Variants in KANSL1 observed in about 807,000 individuals in gnomAD.
The protein encoded by KANSL1 is KAT8 regulatory NSL complex subunit 1.
KANSL1 carries 22 observed loss-of-function variants against 103.6 expected under a neutral mutation model. That is an observed-to-expected ratio of 0.21 (90% CI 0.15 to 0.30). KANSL1 has a LOEUF of 0.30. Ranked by LOEUF, KANSL1 falls within the 10% of genes least tolerant of loss-of-function variation. KANSL1 has a pLI of 1.00. For synonymous variants in KANSL1, 600 were observed against 527.6 expected (o/e 1.14, Z -1.88); for missense variants, 1,337 against 1,399.8 (o/e 0.96, Z 0.72).
chr17:46,040,533 A>G (rs1186332702), intron 7 of KANSL1: 1 of 152,238 alleles, frequency 6.6e-6, no homozygotes, highest in Non-Finnish European at 1.5e-5. Context: ...TTCCTTTAGA[A>G]AAGGAATTTC....
intron 1 of KANSL1, among the ~76,000 whole-genome samples, chr17:46,209,812 G>A (rs1172451517): frequency 6.6e-6 from 1 of 152,154 alleles, no homozygotes; most frequent in African/African-American, 2.4e-5. Flanking sequence ...GTGTTTTAAA[G>A]GCATTTAAGT....
chr17:46,160,328 C>T, intron 2 of KANSL1, among the ~76,000 whole-genome samples: 1 of 152,176 alleles, frequency 6.6e-6, no homozygotes, highest in Non-Finnish European at 1.5e-5. Context: ...GACAAGGTCT[C>T]ACTCTGCTGC....
intron 7 of KANSL1, among the ~76,000 whole-genome samples, chr17:46,046,898 G>A (rs75849126): frequency 0.029 from 4,268 of 149,662 alleles, 213 homozygotes; most frequent in African/African-American, 0.099. Context: ...TATGAGAAGA[G>A]TACTACAAAC....
At chr17:46,167,244 G>A (rs2046050627) in intron 2 of KANSL1, among the ~76,000 whole-genome samples, 1 of 152,158 alleles carries the variant, frequency 6.6e-6, no homozygotes, top group East Asian at 1.9e-4. Flanking sequence ...AATGTGGAAT[G>A]GGTCCAGGAA....
At position 46,041,103 on chromosome 17, in the gene KANSL1, C is replaced by T. The variant is rs1432745519; in HGVS notation, c.2021-1219G>A. ...ATAGTACCTTTTAAAATTTCAACTT[C>T]AGTTCTTCATTACTAGTATATAGAA... On this transcript the variant is annotated intron_variant, in intron 7 of 14. Coordinates refer to ENST00000432791, the MANE Select transcript of KANSL1 (RefSeq NM_015443.4). The T allele has an allele frequency of 2.6e-5, 4 of 152,206 alleles. No homozygotes were observed. In the South Asian group the frequency reaches 6.2e-4, roughly 24 times the overall value. 9.4% of individuals were successfully genotyped at this position (152,206 alleles called of 1,614,324 possible). A position where few individuals can be genotyped will look rare whatever the true frequency, so the allele number is the denominator to read the frequency against.
intron 7 of KANSL1, chr17:46,040,110 A>C: frequency 2.3e-6 from 1 of 439,076 alleles, no homozygotes; most frequent in Non-Finnish European, 4.0e-6. Context: ...GAAACAAAAC[A>C]AGACACCTTT....
At chr17:46,147,137 A>G (rs1184755433) in intron 2 of KANSL1, among the ~76,000 whole-genome samples, 1 of 152,282 alleles carries the variant, frequency 6.6e-6, no homozygotes, top group Non-Finnish European at 1.5e-5. Context: ...AATGACCTTG[A>G]AAAGCCATAG....
intron 2 of KANSL1, among the ~76,000 whole-genome samples, chr17:46,146,371 G>A (rs1320312552): frequency 1.3e-5 from 2 of 152,168 alleles, no homozygotes; most frequent in Non-Finnish European, 2.9e-5. Flanking sequence ...CTTAATCAAG[G>A]TCACAAAGTG....
intron 2 of KANSL1, among the ~76,000 whole-genome samples, chr17:46,110,346 C>G (rs980645632): frequency 6.6e-6 from 1 of 152,154 alleles, no homozygotes; most frequent in Non-Finnish European, 1.5e-5. Context: ...TTACTCCATG[C>G]AAAACACTGG....
At chr17:46,088,251 T>G (rs1568433760) in intron 3 of KANSL1, among the ~76,000 whole-genome samples, 1 of 152,194 alleles carries the variant, frequency 6.6e-6, no homozygotes, top group Non-Finnish European at 1.5e-5. Flanking sequence ...GCAATACAGC[T>G]AACAGGCAAT....
At chr17:46,064,967 TG>T (rs199899842) in intron 6 of KANSL1, among the ~76,000 whole-genome samples, 1 of 146,688 alleles carries the variant, frequency 6.8e-6, no homozygotes. Context: ...GTGTTTTTTT[TG>T]TTTGTTTTTT....
At chr17:46,202,219 G>C (rs933976604) in intron 1 of KANSL1, among the ~76,000 whole-genome samples, 1 of 152,200 alleles carries the variant, frequency 6.6e-6, no homozygotes, top group African/African-American at 2.4e-5. Flanking sequence ...TTCAGGCTAT[G>C]TGCATAATGT....
intron 2 of KANSL1, among the ~76,000 whole-genome samples, chr17:46,164,620 G>A (rs998339156): frequency 6.6e-6 from 1 of 152,248 alleles, no homozygotes; most frequent in African/African-American, 2.4e-5. Flanking sequence ...GAAGGCATTA[G>A]AAGAACCAAA....
At chr17:46,165,442 C>T (rs1248949333) in intron 2 of KANSL1, among the ~76,000 whole-genome samples, 2 of 152,120 alleles carry the variant, frequency 1.3e-5, no homozygotes, top group Admixed American at 6.5e-5. Context: ...CCGTGTTAGC[C>T]AGGATGGTCT....
intron 1 of KANSL1, among the ~76,000 whole-genome samples, chr17:46,202,283 T>C (rs2047831236): frequency 6.6e-6 from 1 of 152,242 alleles, no homozygotes; most frequent in East Asian, 1.9e-4. Context: ...TCCAAGATAG[T>C]ACATTATGTA....
At chr17:46,038,234 A>T (rs1304787820) in intron 10 of KANSL1, 3 of 360,078 alleles carry the variant, frequency 8.3e-6, no homozygotes, top group Non-Finnish European at 1.5e-5. Context: ...TGTGAAACTT[A>T]GTCCAACAGA....
At chr17:46,129,561 G>A (rs1400836985) in intron 2 of KANSL1, among the ~76,000 whole-genome samples, 1 of 152,214 alleles carries the variant, frequency 6.6e-6, no homozygotes, top group Non-Finnish European at 1.5e-5. Context: ...AGGTCCTTGG[G>A]TCCTTGTGGT....
intron 7 of KANSL1, among the ~76,000 whole-genome samples, chr17:46,047,725 T>C (rs1053006602): frequency 1.3e-5 from 2 of 151,028 alleles, no homozygotes; most frequent in Admixed American, 6.6e-5. Context: ...GAAGTCAAGG[T>C]TGCAGTGAGC....
At chr17:46,177,694 T>C (rs1245494421) in intron 1 of KANSL1, among the ~76,000 whole-genome samples, 2 of 152,220 alleles carry the variant, frequency 1.3e-5, no homozygotes, top group Non-Finnish European at 2.9e-5. Flanking sequence ...GTATTACTTC[T>C]ATAATAAAAT....
Sources: gnomAD v4.1 joint callset for allele counts (sites outside exome capture counted in the v4.1 genomes callset) on GRCh38, gnomAD v4.1.1 for gene constraint, MANE v1.5 for transcripts, NCBI Gene and HGNC (gene_info 2026-07-23, HGNC 2026-07-21) for gene names.